Variants in CCDC60 observed in about 807,000 individuals in gnomAD.
The protein encoded by CCDC60 is coiled-coil domain containing 60, also known as coiled-coil domain-containing protein 60.
A neutral mutation model predicts 63.5 loss-of-function variants in CCDC60; 54 were observed. The observed-to-expected ratio is 0.85, with a 90% CI of 0.68 to 1.07. The LOEUF (loss-of-function observed/expected upper bound fraction) is 1.07. Among genes scored for constraint, CCDC60 ranks in the 50% least tolerant of loss-of-function variants. The pLI is 0.00. For synonymous variants in CCDC60, 206 were observed against 238.8 expected, an observed-to-expected ratio of 0.86 and a Z score of 1.27; for missense variants, 651 against 684.3, an observed-to-expected ratio of 0.95 and a Z score of 0.54.
intron 1 of CCDC60, among the ~76,000 whole-genome samples, chr12:119,377,254 CAAAAAAA>C (rs60100165): frequency 0.017 from 819 of 47,412 alleles, 10 homozygotes; most frequent in South Asian, 0.061. Context: ...CACTCCATCT[CAAAAAAA>C]AAAAAAAAAA....
intron 13 of CCDC60, among the ~76,000 whole-genome samples, chr12:119,533,213 C>T (rs1394402387): frequency 6.6e-6 from 1 of 152,136 alleles, no homozygotes; most frequent in East Asian, 1.9e-4. Flanking sequence ...GCATAAATGT[C>T]TTCTTTTGAG....
chr12:119,531,393 G>A (rs529545849), intron 13 of CCDC60, among the ~76,000 whole-genome samples: 88 of 152,256 alleles, frequency 5.8e-4, no homozygotes, highest in Non-Finnish European at 1.8e-4. Flanking sequence ...TGTTAGAAAC[G>A]CAGAATTGCA....
intron 13 of CCDC60, among the ~76,000 whole-genome samples, chr12:119,532,279 A>T (rs894575954): frequency 5.3e-5 from 8 of 152,130 alleles, no homozygotes; most frequent in Non-Finnish European, 1.2e-4. Context: ...TTGAAAAGCT[A>T]GTCCCTGCAT....
intron 1 of CCDC60, among the ~76,000 whole-genome samples, chr12:119,385,217 G>GC (rs950173823): frequency 9.9e-5 from 15 of 152,172 alleles, no homozygotes; most frequent in Non-Finnish European, 2.1e-4. Context: ...CCTGCTCTGT[G>GC]CCCCAGGAGA....
At chr12:119,536,513 T>C (rs1020071570) in intron 13 of CCDC60, among the ~76,000 whole-genome samples, 3 of 152,218 alleles carry the variant, frequency 2.0e-5, no homozygotes, top group African/African-American at 4.8e-5. Flanking sequence ...CTAGCATCGA[T>C]GGTCTTTACA....
intron 7 of CCDC60, among the ~76,000 whole-genome samples, chr12:119,511,073 T>C (rs1392818497): frequency 6.6e-6 from 1 of 152,160 alleles, no homozygotes; most frequent in Non-Finnish European, 1.5e-5. Context: ...TAGCACACAG[T>C]AGGAACACAA....
intron 2 of CCDC60, among the ~76,000 whole-genome samples, chr12:119,470,689 G>C (rs1343509748): frequency 6.6e-6 from 1 of 152,118 alleles, no homozygotes; most frequent in African/African-American, 2.4e-5. Flanking sequence ...AGAGGAAGAG[G>C]CCACCTTCAA....
intron 5 of CCDC60, among the ~76,000 whole-genome samples, chr12:119,491,873 A>G (rs1566039687): frequency 6.6e-6 from 1 of 152,122 alleles, no homozygotes; most frequent in Non-Finnish European, 1.5e-5. Context: ...AAAGAACATC[A>G]TGTGGAATTT....
intron 1 of CCDC60, among the ~76,000 whole-genome samples, chr12:119,382,236 A>G (rs545793304): frequency 1.3e-5 from 2 of 152,350 alleles, no homozygotes; most frequent in Middle Eastern, 3.4e-3. Flanking sequence ...TGAGCTTCAC[A>G]GCAGTCTTTA....
intron 7 of CCDC60, among the ~76,000 whole-genome samples, chr12:119,507,574 A>T (rs1952063589): frequency 2.7e-5 from 1 of 37,054 alleles, no homozygotes; most frequent in African/African-American, 2.7e-4. Flanking sequence ...ATATATGTAT[A>T]TATACACATA....
At chr12:119,432,997 A>G (rs1389954235) in intron 2 of CCDC60, among the ~76,000 whole-genome samples, 2 of 152,210 alleles carry the variant, frequency 1.3e-5, no homozygotes, top group Non-Finnish European at 2.9e-5. Flanking sequence ...TGGAAATAGT[A>G]TATAAGGAGT....
rs79366051 is a variant in CCDC60, at chr12:119,479,273, G to A, written c.449+72G>A. On this transcript the variant is annotated intron_variant, in intron 4 of 13. Coordinates refer to ENST00000327554, the MANE Select transcript of CCDC60 (RefSeq NM_178499.5). ...TGAAGCCGAACTGAAATGACTCAAC[G>A]AGCTGTCATGTCAGTAGCTGTTCCT... 141 of 1,032,392 alleles carry A rather than the reference G, an allele frequency of 1.4e-4. No individual in the cohort carries two copies. The African/African-American group carries it at 1.5e-3, about 11-fold the overall frequency. 64.0% of individuals were successfully genotyped at this position (1,032,392 alleles called of 1,614,324 possible). A position where few individuals can be genotyped will look rare whatever the true frequency, so the allele number is the denominator to read the frequency against.
intron 1 of CCDC60, among the ~76,000 whole-genome samples, chr12:119,426,750 A>T (rs1593070562): frequency 6.6e-6 from 1 of 152,174 alleles, no homozygotes; most frequent in Admixed American, 6.5e-5. Flanking sequence ...GCTGCCTTAC[A>T]TGGGAACATG....
At chr12:119,386,676 G>T (rs1384228414) in intron 1 of CCDC60, among the ~76,000 whole-genome samples, 2 of 152,164 alleles carry the variant, frequency 1.3e-5, no homozygotes, top group Non-Finnish European at 2.9e-5. Context: ...CCAGGGTTTT[G>T]CAGAAATGAC....
rs1418085017 is a variant in CCDC60, at chr12:119,415,382, G to A, written c.91-13301G>A. On this transcript the variant is annotated intron_variant, in intron 1 of 13. Transcript: ENST00000327554. ...GCAAGACACTTAAGGGAGGCTCACT[G>A]GCTAGACCATAGAGATCAGGACAGT... Among the ~76,000 whole-genome samples the A allele has an allele frequency of 2.0e-5, 3 of 152,228 alleles. No individual in the cohort carries two copies. The South Asian group carries it at 6.2e-4, about 32-fold the overall frequency.
intron 1 of CCDC60, among the ~76,000 whole-genome samples, chr12:119,381,702 C>T (rs138892708): frequency 2.0e-5 from 3 of 152,258 alleles, no homozygotes; most frequent in Admixed American, 6.5e-5. Context: ...ATTCTAAGGA[C>T]GAGGAAGCTG....
At chr12:119,519,788 C>T (rs809225) in intron 8 of CCDC60, among the ~76,000 whole-genome samples, 34,805 of 151,266 alleles carry the variant, frequency 0.23, 4,298 homozygotes, top group Non-Finnish European at 0.29. Flanking sequence ...TAAACAAGCA[C>T]TTCAGGTGGG....
At chr12:119,451,136 A>T (rs1183967131) in intron 2 of CCDC60, among the ~76,000 whole-genome samples, 1 of 152,218 alleles carries the variant, frequency 6.6e-6, no homozygotes, top group Non-Finnish European at 1.5e-5. Flanking sequence ...GGTCCAGCCA[A>T]CGTGAAGGGA....
intron 1 of CCDC60, among the ~76,000 whole-genome samples, chr12:119,421,010 C>T (rs770712573): frequency 8.7e-4 from 132 of 152,210 alleles, no homozygotes; most frequent in Middle Eastern, 3.4e-3. Flanking sequence ...TCAGCAAGCT[C>T]GCTTCTCAGT....
Sources: allele counts gnomAD v4.1 joint callset (sites outside exome capture counted in the v4.1 genomes callset), GRCh38; gene constraint gnomAD v4.1.1; transcripts MANE v1.5; gene names NCBI Gene and HGNC (gene_info 2026-07-23, HGNC 2026-07-21).